Variants in SFXN5 observed in about 807,000 individuals in gnomAD.
SFXN5 encodes the protein sideroflexin 5, also known as sideroflexin-5.
A neutral mutation model predicts 50.2 loss-of-function variants in SFXN5; 43 were observed. That is an observed-to-expected ratio of 0.86 (90% confidence interval 0.67 to 1.11). SFXN5 has a LOEUF of 1.11. Among genes scored for constraint, SFXN5 ranks in the 50% least tolerant of loss-of-function variants. The pLI is 0.00. For missense variants in SFXN5, 463 were observed against 454.1 expected, an observed-to-expected ratio of 1.02 and a Z score of -0.18; for synonymous variants, 203 against 185.8, an observed-to-expected ratio of 1.09 and a Z score of -0.75.
At chr2:72,998,741 G>T in intron 9 of SFXN5, 1 of 571,554 alleles carries the variant, frequency 1.7e-6, no homozygotes, top group Non-Finnish European at 3.1e-6. Flanking sequence ...CTCCCCACCT[G>T]CTCTCCATTA....
chr2:73,046,700 T>C (rs902008452), intron 2 of SFXN5, among the ~76,000 whole-genome samples: 2 of 152,062 alleles, frequency 1.3e-5, no homozygotes, highest in Non-Finnish European at 2.9e-5. Context: ...ATAAAAAAAG[T>C]GTATGTTCAG....
At chr2:72,956,829 TCA>T (rs758615491) in intron 13 of SFXN5, among the ~76,000 whole-genome samples, 2 of 152,102 alleles carry the variant, frequency 1.3e-5, no homozygotes, top group African/African-American at 2.4e-5. Flanking sequence ...AACCTCCATC[TCA>T]CAGTTTCTTT....
intron 2 of SFXN5, 43 bp from the exon 3 acceptor site, chr2:73,040,974 G>A: frequency 2.5e-6 from 4 of 1,574,860 alleles, no homozygotes; most frequent in Non-Finnish European, 3.5e-6. Flanking sequence ...ACAGATCCAG[G>A]GCTCCCGCAA....
At chr2:73,006,360 G>A (rs1032767534) in intron 6 of SFXN5, among the ~76,000 whole-genome samples, 3 of 152,182 alleles carry the variant, frequency 2.0e-5, no homozygotes, top group African/African-American at 7.2e-5. Context: ...GGTGGCTCAC[G>A]CCTGCAATCC....
chr2:72,955,066 C>T (rs559761584), intron 13 of SFXN5, among the ~76,000 whole-genome samples: 1 of 152,318 alleles, frequency 6.6e-6, no homozygotes, highest in East Asian at 1.9e-4. Flanking sequence ...AGCCCCTCCA[C>T]CCCAACATCA....
intron 1 of SFXN5, among the ~76,000 whole-genome samples, chr2:73,069,408 G>T (rs1319740046): frequency 1.3e-5 from 2 of 152,068 alleles, no homozygotes; most frequent in Non-Finnish European, 1.5e-5. Context: ...GGGAGAAGAA[G>T]GAAAGAACAC....
chr2:72,956,414 G>A (rs1028814899), intron 13 of SFXN5, among the ~76,000 whole-genome samples: 1 of 152,202 alleles, frequency 6.6e-6, no homozygotes, highest in African/African-American at 2.4e-5. Context: ...CAGATTTCCT[G>A]TGGAGGGGAG....
At chr2:73,044,217 C>T (rs1680006592) in intron 2 of SFXN5, among the ~76,000 whole-genome samples, 1 of 152,230 alleles carries the variant, frequency 6.6e-6, no homozygotes. Context: ...TTCCAAAGAG[C>T]CCTCATCTTG....
chr2:73,039,946 G>A (rs895883407), intron 3 of SFXN5, among the ~76,000 whole-genome samples: 1 of 151,912 alleles, frequency 6.6e-6, no homozygotes, highest in Non-Finnish European at 1.5e-5. Flanking sequence ...GAGTAGCTGG[G>A]ATTACAGGCG....
intron 10 of SFXN5, among the ~76,000 whole-genome samples, chr2:72,985,771 G>A (rs1220495357): frequency 2.6e-5 from 4 of 152,164 alleles, no homozygotes; most frequent in Non-Finnish European, 4.4e-5. Context: ...CTGTGTGAGC[G>A]GCTGAAGCCT....
intron 2 of SFXN5, among the ~76,000 whole-genome samples, chr2:73,043,020 A>G (rs1679850459): frequency 6.6e-6 from 1 of 152,146 alleles, no homozygotes; most frequent in African/African-American, 2.4e-5. Context: ...GTGAGCTGAG[A>G]TCGCACCACT....
chr2:73,004,784 A>G (rs565855937), intron 6 of SFXN5, among the ~76,000 whole-genome samples: 1 of 152,362 alleles, frequency 6.6e-6, no homozygotes, highest in Non-Finnish European at 1.5e-5. Context: ...GACCAAAAGC[A>G]CGAGGATGCC....
chr2:73,028,172 G>A (rs1056925210), intron 3 of SFXN5, among the ~76,000 whole-genome samples: 2 of 152,146 alleles, frequency 1.3e-5, no homozygotes, highest in African/African-American at 2.4e-5. Flanking sequence ...TGATGTTCCC[G>A]TAATGACAAA....
In SFXN5 at chr2:72,975,670, G is replaced by A. The variant is rs111789402; in HGVS notation, c.626-3985C>T. On this transcript the variant is annotated intron_variant, in intron 10 of 13. Transcript: ENST00000272433. ...TGTGTGAATGCAGCCATGTGTACAG[G>A]TATCCATTCATTCAAGTGTCACCTC... 2.4e-3 allele frequency among the ~76,000 whole-genome samples: 370 copies of A among 152,318 alleles called. 1 individual carries two copies. The highest frequency in any genetic ancestry group is 8.6e-3 in the African/African-American group (358 of 41,566).
chr2:72,988,267 G>A lies in SFXN5; in HGVS notation c.616C>T (p.Pro206Ser), dbSNP rs770974586. ...RLLIQRFVPF[P>S]AVASANICNV... is the part of the protein sequence containing the mutation. ...GGTGTGCAGGTCTTACCTACAGCAG[G>A]GAACGGCACAAACCTCTGGATGAGA... is the stretch of plus-strand genomic sequence containing the variant. Residue 206 changes from proline to serine, a missense_variant, in exon 10 of 14, where the codon CCT becomes TCT. Physicochemically the swap from Pro to Ser is moderately conservative, Grantham distance 74. Transcript: ENST00000272433. 5 of 1,613,672 alleles carry A rather than the reference G, an allele frequency of 3.1e-6. No homozygotes were observed. Among genetic ancestry groups the A allele is most frequent in the Non-Finnish European group, 3.4e-6 (4 of 1,179,804 alleles).
chr2:73,058,243 A>G (rs1012249687), intron 2 of SFXN5: 7 of 281,280 alleles, frequency 2.5e-5, no homozygotes, highest in African/African-American at 4.3e-5. Flanking sequence ...TAATTTCTTG[A>G]AAGTTTTAAA....
intron 9 of SFXN5, among the ~76,000 whole-genome samples, chr2:72,993,756 C>T (rs1220727833): frequency 6.6e-6 from 1 of 152,170 alleles, no homozygotes; most frequent in East Asian, 1.9e-4. Flanking sequence ...CGTCCCCCTA[C>T]CTCTCTCCAG....
Position 73,059,798 on chromosome 2 carries a change from A to C in SFXN5, c.103-1202T>G, listed in dbSNP as rs879402242. Reference sequence around the variant, plus strand: ...TTAAAGACATACATAAGGGAGGCTCACAATGCTGTCCTGGCAAAATTTCAC... The same window carrying C: ...TTAAAGACATACATAAGGGAGGCTCCCAATGCTGTCCTGGCAAAATTTCAC... On this transcript the variant is annotated intron_variant, in intron 1 of 13. Transcript: ENST00000272433. 1.6e-4 allele frequency: 155 copies of C among 974,874 alleles called. 13 individuals are homozygous for C. Among genetic ancestry groups the C allele is most frequent in the Non-Finnish European group, 1.8e-4 (146 of 823,972 alleles). 60.4% of individuals were successfully genotyped at this position (974,874 alleles called of 1,614,324 possible).
At chr2:73,001,439 G>A (rs1216159780) in intron 7 of SFXN5, 86 bp downstream of exon 7, 4 of 1,417,468 alleles carry the variant, frequency 2.8e-6, no homozygotes, top group Admixed American at 3.4e-5. Flanking sequence ...GTCTGGACGG[G>A]GCAGGAGACA....
Sources: allele counts gnomAD v4.1 joint callset (sites outside exome capture counted in the v4.1 genomes callset), GRCh38; gene constraint gnomAD v4.1.1; transcripts MANE v1.5; gene names NCBI Gene and HGNC (gene_info 2026-07-23, HGNC 2026-07-21).